ST8SIA2: variants seen among roughly 807,000 people sequenced by gnomAD.
The protein encoded by ST8SIA2 is ST8 alpha-N-acetyl-neuraminide alpha-2,8-sialyltransferase 2.
A neutral mutation model predicts 37.6 loss-of-function variants in ST8SIA2; 22 were observed. That is an observed-to-expected ratio of 0.58 (90% CI 0.42 to 0.83). The LOEUF (loss-of-function observed/expected upper bound fraction) is 0.83. Among genes scored for constraint, ST8SIA2 ranks in the 40% least tolerant of loss-of-function variants. The pLI is 0.00. For missense variants in ST8SIA2, 382 were observed against 484.7 expected (o/e 0.79, Z 1.99); for synonymous variants, 205 against 201.2 (o/e 1.02, Z -0.16).
intron 1 of ST8SIA2, among the ~76,000 whole-genome samples, chr15:92,415,811 A>G (rs2049582269): frequency 6.6e-6 from 1 of 152,174 alleles, no homozygotes. Flanking sequence ...GAAGTCAGCA[A>G]ATGAAAAATA....
intron 4 of ST8SIA2, among the ~76,000 whole-genome samples, chr15:92,441,175 G>A (rs970431144): frequency 6.6e-6 from 1 of 152,350 alleles, no homozygotes; most frequent in East Asian, 1.9e-4. Context: ...CCCCCTCTCA[G>A]AAAACTCTGT....
intron 4 of ST8SIA2, among the ~76,000 whole-genome samples, chr15:92,442,476 C>T (rs1223865638): frequency 6.6e-6 from 1 of 152,118 alleles, no homozygotes; most frequent in African/African-American, 2.4e-5. Flanking sequence ...TTCTCCTTGC[C>T]TCTTTCACAG....
intron 5 of ST8SIA2, 67 bp downstream of exon 5, chr15:92,444,996 C>A: frequency 6.3e-7 from 1 of 1,593,760 alleles, no homozygotes; most frequent in South Asian, 1.1e-5. Context: ...TAGGCAGTAT[C>A]CCTTTCCCAG....
At chr15:92,430,008 T>C in intron 1 of ST8SIA2, 41 bp from the exon 2 acceptor site, 1 of 1,608,578 alleles carries the variant, frequency 6.2e-7, no homozygotes, top group East Asian at 2.2e-5. Context: ...TTTGCAAAGA[T>C]GAGCTGGGTT....
chr15:92,403,450 C>T (rs1042566492), intron 1 of ST8SIA2, among the ~76,000 whole-genome samples: 8 of 152,188 alleles, frequency 5.3e-5, no homozygotes, highest in Non-Finnish European at 8.8e-5. Flanking sequence ...TGTCAGATAG[C>T]TTCGCGAACA....
chr15:92,464,082 T>TC lies in ST8SIA2; in HGVS notation c.843-18_843-17insC, dbSNP rs1207625632. On this transcript the variant is annotated splice_polypyrimidine_tract_variant and intron_variant, in intron 5 of 5. Transcript: ENST00000268164. Reference sequence around the variant, plus strand: ...ACCCATGTTTCTTTTCTTTTTTTTTTTTTTTTTTTTTTTCCAGATACTGGC... The same window carrying TC: ...ACCCATGTTTCTTTTCTTTTTTTTTTCTTTTTTTTTTTTTCCAGATACTGGC... The TC allele has an allele frequency of 6.6e-7, 1 of 1,506,236 alleles. No homozygotes were observed. The highest frequency in any genetic ancestry group is 8.8e-7 in the Non-Finnish European group (1 of 1,136,886). The allele number at this position is 1,506,236 out of a possible 1,614,324, so 93.3% of individuals were successfully genotyped here.
intron 5 of ST8SIA2, among the ~76,000 whole-genome samples, chr15:92,460,071 G>A (rs1054412962): frequency 2.6e-5 from 4 of 152,154 alleles, no homozygotes; most frequent in African/African-American, 4.8e-5. Context: ...CCAAATCCCA[G>A]CTTGCTCAGT....
chr15:92,423,524 C>T (rs1379200214), intron 1 of ST8SIA2, among the ~76,000 whole-genome samples: 2 of 152,198 alleles, frequency 1.3e-5, no homozygotes, highest in African/African-American at 4.8e-5. Flanking sequence ...CTCATAGTTC[C>T]GGAGGCTGAG....
At chr15:92,400,105 C>T (rs1205631367) in intron 1 of ST8SIA2, among the ~76,000 whole-genome samples, 1 of 152,174 alleles carries the variant, frequency 6.6e-6, no homozygotes, top group Non-Finnish European at 1.5e-5. Context: ...ACACACCATC[C>T]TTCCTGCTGT....
At chr15:92,395,015 C>T (rs867817100) in intron 1 of ST8SIA2, among the ~76,000 whole-genome samples, 2 of 152,134 alleles carry the variant, frequency 1.3e-5, no homozygotes, top group Non-Finnish European at 2.9e-5. Context: ...TCCTGGAGTG[C>T]GCACTTGAGG....
intron 1 of ST8SIA2, chr15:92,422,808 T>TGCCTGAGCCAGTCAAGC (rs2141821916): frequency 6.6e-6 from 1 of 152,552 alleles, no homozygotes; most frequent in Non-Finnish European, 1.5e-5. Flanking sequence ...GGCAGGCGAG[T>TGCCTGAGCCAGTCAAGC]GCCTGAGCCA....
intron 1 of ST8SIA2, among the ~76,000 whole-genome samples, chr15:92,408,188 T>G (rs2049521998): frequency 6.6e-6 from 1 of 152,006 alleles, no homozygotes; most frequent in Non-Finnish European, 1.5e-5. Context: ...ATTCAAACAG[T>G]GTCCAACAAC....
intron 3 of ST8SIA2, among the ~76,000 whole-genome samples, chr15:92,435,005 C>T (rs921337354): frequency 5.9e-5 from 9 of 152,288 alleles, no homozygotes; most frequent in African/African-American, 2.2e-4. Context: ...CAATGGGGAA[C>T]CGTAGAGAAG....
rs1316698336 is a variant in ST8SIA2, at chr15:92,466,361, A to G, written c.*1976A>G. The G allele has an allele frequency of 2.0e-5, 3 of 152,336 alleles. No individual in the cohort carries two copies. Among genetic ancestry groups the G allele is most frequent in the Admixed American group, 1.3e-4 (2 of 15,312 alleles). The allele number at this position is 152,336 out of a possible 1,614,324, so 9.4% of individuals were successfully genotyped here. ...GCCTTTCATCTTGAGGATCTCAAAG[A>G]CCGTAGAAGACATTTAATTTCTAAA... On this transcript the variant is annotated 3_prime_UTR_variant, in exon 6 of 6. Coordinates refer to ENST00000268164, the MANE Select transcript of ST8SIA2 (RefSeq NM_006011.4).
At position 92,465,354 on chromosome 15, in the gene ST8SIA2, A is replaced by T. The variant is rs1462278115; in HGVS notation, c.*969A>T. 1 of 152,190 alleles carries T rather than the reference A, an allele frequency of 6.6e-6. No homozygotes were observed. The highest frequency in any genetic ancestry group is 2.4e-5 in the African/African-American group (1 of 41,442). 9.4% of individuals were successfully genotyped at this position (152,190 alleles called of 1,614,324 possible). On this transcript the variant is annotated 3_prime_UTR_variant, in exon 6 of 6. Coordinates refer to ENST00000268164, the MANE Select transcript of ST8SIA2 (RefSeq NM_006011.4). ...GAGGGACTGTACTGTCCCCTCTGTC[A>T]CCAGGGAAGCCACAATGAGAGCTTG...
chr15:92,443,044 G>A (rs1596245014), intron 4 of ST8SIA2, among the ~76,000 whole-genome samples: 1 of 152,024 alleles, frequency 6.6e-6, no homozygotes, highest in Admixed American at 6.5e-5. Flanking sequence ...CACACCAGGG[G>A]CTCAAAAAAT....
At chr15:92,438,244 T>A in intron 3 of ST8SIA2, 109 bp from the exon 4 acceptor site, 1 of 1,507,490 alleles carries the variant, frequency 6.6e-7, no homozygotes, top group Non-Finnish European at 9.2e-7. Context: ...CTCTGCGTGT[T>A]TGCTGGGCTG....
At chr15:92,417,295 A>G (rs930638931) in intron 1 of ST8SIA2, among the ~76,000 whole-genome samples, 10 of 152,190 alleles carry the variant, frequency 6.6e-5, no homozygotes, top group African/African-American at 2.4e-4. Flanking sequence ...GCTGGAGCAG[A>G]GGAAGTGGCC....
chr15:92,435,249 A>G (rs1028303678), intron 3 of ST8SIA2, among the ~76,000 whole-genome samples: 1 of 152,210 alleles, frequency 6.6e-6, no homozygotes, highest in Non-Finnish European at 1.5e-5. Context: ...GGAAATAAAC[A>G]GGCCATACTG....
Sources: allele counts gnomAD v4.1 joint callset (sites outside exome capture counted in the v4.1 genomes callset), GRCh38; gene constraint gnomAD v4.1.1; transcripts MANE v1.5; gene names NCBI Gene and HGNC (gene_info 2026-07-23, HGNC 2026-07-21).